Variants in PERM1 observed in about 807,000 individuals in gnomAD.
The protein encoded by PERM1 is PGC-1 and ERR-induced regulator in muscle protein 1.
In PERM1, 45 loss-of-function variants were observed where a neutral mutation model predicts 44.1. The ratio of observed to expected loss-of-function variants is 1.02; its 90% CI spans 0.80 to 1.31. PERM1 has a LOEUF of 1.31. PERM1 is among the 50% of genes most tolerant of loss of function. The probability of loss-of-function intolerance (pLI) is 0.00; values close to 1 mark genes in which losing one functional copy is unlikely to be tolerated. For synonymous variants in PERM1, 565 were observed against 477.1 expected (o/e 1.18, Z -2.40); for missense variants, 1,189 against 1,106.9 (o/e 1.07, Z -1.05).
Position 978,946 on chromosome 1 carries a change from G to GC in PERM1, c.2083dup (p.Ala695GlyfsTer20). On this transcript the variant is annotated frameshift_variant, in exon 1 of 3. Transcript: ENST00000433179. LOFTEE classifies it high-confidence loss of function. ...TGGCTTGAGGGGGGTCCCAGGCCCC[G>GC]CCCCCTCGGAGGCCGACCGGGGAGG... is the stretch of plus-strand genomic sequence containing the variant. 6.6e-7 allele frequency: 1 copy of GC among 1,506,804 alleles called. No individual in the cohort carries two copies. Among genetic ancestry groups the GC allele is most frequent in the Non-Finnish European group, 8.9e-7 (1 of 1,124,138 alleles). 93.3% of individuals were successfully genotyped at this position (1,506,804 alleles called of 1,614,324 possible).
exon 3 of PERM1, chr1:976,074 G>A: frequency 1.7e-6 from 2 of 1,207,972 alleles, no homozygotes; most frequent in Non-Finnish European, 2.3e-6. Context: ...CGGTAGAAGA[G>A]AGGGGTCAGA....
chr1:978,648 G>A (rs375732743), intron 1 of PERM1, among the ~76,000 whole-genome samples: 2 of 152,340 alleles, frequency 1.3e-5, no homozygotes, highest in South Asian at 4.1e-4. Context: ...ACATGGGCCC[G>A]AACACAGGGC....
At chr1:979,967 C>T (rs1422069426) in exon 1 of PERM1, 1 of 1,549,982 alleles carries the variant, frequency 6.5e-7, no homozygotes, top group Non-Finnish European at 8.7e-7. Context: ...ATGTCCCTGT[C>T]AGGTTGCGGC....
At chr1:980,258 G>A in exon 1 of PERM1, 1 of 1,550,422 alleles carries the variant, frequency 6.4e-7, no homozygotes, top group Non-Finnish European at 8.7e-7. Context: ...ACAGGGACAG[G>A]TGTAGACAGG....
exon 3 of PERM1, chr1:976,119 G>C: frequency 5.3e-6 from 8 of 1,518,180 alleles, no homozygotes; most frequent in Non-Finnish European, 7.1e-6. Context: ...GTCCTGCCCT[G>C]GGCGCCTGTG....
chr1:978,589 A>G (rs1160354077), intron 1 of PERM1, among the ~76,000 whole-genome samples: 1 of 152,250 alleles, frequency 6.6e-6, no homozygotes, highest in Admixed American at 6.5e-5. Flanking sequence ...GAAGGTAGCC[A>G]GGCCTGGGCG....
At chr1:981,870 G>A (rs1460081765), upstream of PERM1, among the ~76,000 whole-genome samples, 3 of 152,244 alleles carry the variant, frequency 2.0e-5, no homozygotes, top group African/African-American at 4.8e-5. Flanking sequence ...GGCCGCCCTC[G>A]GCCTCAGGTC....
chr1:975,988 G>C, exon 3 of PERM1: 1 of 604,996 alleles, frequency 1.7e-6, no homozygotes, highest in South Asian at 2.2e-5. Context: ...CAGGCGTGGG[G>C]AGTGGCCGTG....
In PERM1 at chr1:976,146, G is replaced by C. The variant is rs1471021375; in HGVS notation, c.*26C>G. The C allele has an allele frequency of 2.6e-6, 4 of 1,543,864 alleles. No homozygotes were observed. The East Asian group carries it at 7.3e-5, about 28-fold the overall frequency. On this transcript the variant is annotated 3_prime_UTR_variant, in exon 3 of 3. Coordinates refer to ENST00000433179, the Ensembl canonical transcript of PERM1. ...GCGCCTGTGGTCGTCTCCTCATCCT[G>C]CATCTCCCTGGCCCGGGCCTGGCTC...
Position 978,896 on chromosome 1 carries a change from CCA to C in PERM1, c.2132_2133del (p.Leu711ArgfsTer3). Reference sequence around the variant, plus strand: ...GAGCACGTACCTGCCCGTCTAAGAGCCAGGTGGAGCCGCTCTACCACGGCTGG... The same window carrying C: ...GAGCACGTACCTGCCCGTCTAAGAGCGGTGGAGCCGCTCTACCACGGCTGG... On this transcript the variant is annotated frameshift_variant, in exon 1 of 3. Coordinates refer to ENST00000433179, the Ensembl canonical transcript of PERM1. LOFTEE classifies it high-confidence loss of function. 1 of 1,493,688 alleles carries C rather than the reference CCA, an allele frequency of 6.7e-7. No individual in the cohort carries two copies. The highest frequency in any genetic ancestry group is 1.4e-5 in the African/African-American group (1 of 71,014). The allele number at this position is 1,493,688 out of a possible 1,614,324, so 92.5% of individuals were successfully genotyped here.
At chr1:979,132 G>C (rs544500813) in exon 1 of PERM1, 24 of 1,549,798 alleles carry the variant, frequency 1.5e-5, no homozygotes, top group Non-Finnish European at 1.9e-5. Flanking sequence ...CGGCTCCGGG[G>C]ACCCCCGCCG....
intron 1 of PERM1, 37 bp downstream of exon 2, chr1:978,844 G>C: frequency 2.8e-6 from 4 of 1,438,668 alleles, no homozygotes; most frequent in Non-Finnish European, 3.7e-6. Context: ...GTGTGTGCCT[G>C]GGATCTGGAC....
exon 3 of PERM1, chr1:976,244 G>A (rs926719974): frequency 1.4e-5 from 22 of 1,534,072 alleles, no homozygotes; most frequent in South Asian, 2.4e-5. Flanking sequence ...GGATGGCAGA[G>A]ATGGTGCCGA....
rs1356044109 is a variant in PERM1, at chr1:976,684, C to T, written c.2150-60G>A. 6 of 1,539,726 alleles carry T rather than the reference C, an allele frequency of 3.9e-6. 1 individual carries two copies. Among genetic ancestry groups the T allele is most frequent in the Non-Finnish European group, 5.3e-6 (6 of 1,140,032 alleles). On this transcript the variant is annotated intron_variant, in intron 1 of 2. Coordinates refer to ENST00000433179, the Ensembl canonical transcript of PERM1. The stretch of plus-strand genomic sequence containing the variant: ...CACTCAGAGATGGCCCCGCACACGC[C>T]CGCCCCGGGAACCGCCTGCCCCCAC...
At chr1:979,943 G>A (rs964684993) in exon 1 of PERM1, 2 of 1,550,250 alleles carry the variant, frequency 1.3e-6, no homozygotes, top group Non-Finnish European at 1.7e-6. Flanking sequence ...TTGGAGGCAG[G>A]TATAGACACA....
At chr1:979,865 G>A (rs907394384) in exon 1 of PERM1, 1 of 1,549,150 alleles carries the variant, frequency 6.5e-7, no homozygotes, top group South Asian at 1.2e-5. Context: ...TTGGAGATGG[G>A]TGTAGACAGA....
intron 1 of PERM1, among the ~76,000 whole-genome samples, chr1:978,405 G>A (rs1027087111): frequency 2.0e-5 from 3 of 152,202 alleles, no homozygotes; most frequent in Non-Finnish European, 4.4e-5. Context: ...CGCCCGCCCT[G>A]GACGCGTCTG....
At chr1:980,548 C>T in exon 1 of PERM1, 1 of 1,462,688 alleles carries the variant, frequency 6.8e-7, no homozygotes, top group Non-Finnish European at 9.0e-7. Flanking sequence ...AGTGCTGTGG[C>T]CAGGGGACTT....
upstream of PERM1, chr1:981,304 G>A: frequency 1.1e-6 from 1 of 871,444 alleles, no homozygotes; most frequent in Admixed American, 3.1e-5. Flanking sequence ...TGATAGCTGT[G>A]TGATGATGCG....
Sources: gnomAD v4.1 joint callset for allele counts (sites outside exome capture counted in the v4.1 genomes callset) on GRCh38, gnomAD v4.1.1 for gene constraint, MANE v1.5 for transcripts, NCBI Gene and HGNC (gene_info 2026-07-23, HGNC 2026-07-21) for gene names.